The following MICOS10 variants were observed in gnomAD, a reference collection of about 807,000 sequenced individuals.
MICOS10 encodes mitochondrial contact site and cristae organizing system subunit 10, also known as MICOS complex subunit MIC10.
A neutral mutation model predicts 13.4 loss-of-function variants in MICOS10; 5 were observed. The observed-to-expected ratio is 0.37, with a 90% CI of 0.20 to 0.78. MICOS10 has a LOEUF of 0.78. MICOS10 is among the 30% of genes least tolerant of loss of function. The pLI is 0.47. For missense variants in MICOS10, 101 were observed against 94.6 expected, an observed-to-expected ratio of 1.07 and a Z score of -0.28; for synonymous variants, 35 against 33.6, an observed-to-expected ratio of 1.04 and a Z score of -0.15.
Position 19,627,307 on chromosome 1 carries a change from T to C in MICOS10, c.*906T>C, listed in dbSNP as rs1379373612. On this transcript the variant is annotated 3_prime_UTR_variant, in exon 4 of 4. Transcript: ENST00000322753. Reference sequence around the variant, plus strand: ...TCAGCCGTTCTTATTTCTTTTTCCTTATCGTAGAATTAAGATAGGGAGAGC... The same window carrying C: ...TCAGCCGTTCTTATTTCTTTTTCCTCATCGTAGAATTAAGATAGGGAGAGC... 4 of 152,208 alleles carry C rather than the reference T, an allele frequency of 2.6e-5. No individual in the cohort carries two copies. In the East Asian group the frequency reaches 7.7e-4, roughly 29 times the overall value. 9.4% of individuals were successfully genotyped at this position (152,208 alleles called of 1,614,324 possible). A position where few individuals can be genotyped will look rare whatever the true frequency, so the allele number is the denominator to read the frequency against.
At chr1:19,612,263 A>T (rs1169064850) in intron 1 of MICOS10, among the ~76,000 whole-genome samples, 1 of 150,116 alleles carries the variant, frequency 6.7e-6, no homozygotes, top group African/African-American at 2.4e-5. Context: ...TCACCATGTT[A>T]GCCAGGATGG....
At chr1:19,604,529 G>A (rs2094827692) in intron 1 of MICOS10, among the ~76,000 whole-genome samples, 1 of 152,082 alleles carries the variant, frequency 6.6e-6, no homozygotes, top group Non-Finnish European at 1.5e-5. Flanking sequence ...ATAAAAACTG[G>A]AGGCTGTCGC....
intron 1 of MICOS10, among the ~76,000 whole-genome samples, chr1:19,621,641 G>A (rs1376713756): frequency 6.6e-6 from 1 of 152,190 alleles, no homozygotes; most frequent in Non-Finnish European, 1.5e-5. Flanking sequence ...TCAGCCTTTA[G>A]GAATTGTTCT....
chr1:19,613,596 T>C (rs1341552955), intron 1 of MICOS10, among the ~76,000 whole-genome samples: 1 of 152,156 alleles, frequency 6.6e-6, no homozygotes, highest in African/African-American at 2.4e-5. Context: ...ATCAGTTGGC[T>C]CCAACACTGG....
chr1:19,610,367 CTTTTTTTTTTTTTTTTT>C (rs773668659), intron 1 of MICOS10, among the ~76,000 whole-genome samples: 6 of 11,914 alleles, frequency 5.0e-4, no homozygotes, highest in Admixed American at 1.8e-3. Flanking sequence ...CACCCCCCGG[CTTTTTTTTTTTTTTTTT>C]TTTTTTTTTT....
chr1:19,613,603 C>T (rs942736645), intron 1 of MICOS10, among the ~76,000 whole-genome samples: 1 of 152,140 alleles, frequency 6.6e-6, no homozygotes, highest in Non-Finnish European at 1.5e-5. Flanking sequence ...GGCTCCAACA[C>T]TGGAACAGTG....
chr1:19,603,792 C>T (rs1363995478), intron 1 of MICOS10, among the ~76,000 whole-genome samples: 2 of 152,100 alleles, frequency 1.3e-5, no homozygotes, highest in African/African-American at 4.8e-5. Flanking sequence ...TTTTTGATTT[C>T]AGAAAAATCA....
At chr1:19,618,670 G>A (rs1342822261) in intron 1 of MICOS10, among the ~76,000 whole-genome samples, 1 of 152,192 alleles carries the variant, frequency 6.6e-6, no homozygotes, top group East Asian at 1.9e-4. Flanking sequence ...GGCCCGGCCT[G>A]TCTTGCTGCA....
chr1:19,614,751 C>T (rs375641321), intron 1 of MICOS10, among the ~76,000 whole-genome samples: 1 of 152,214 alleles, frequency 6.6e-6, no homozygotes, highest in Non-Finnish European at 1.5e-5. Flanking sequence ...CCTTCTAAAA[C>T]ATTCTTCAGG....
chr1:19,623,618 A>G, intron 3 of MICOS10, 35 bp downstream of exon 3: 1 of 1,452,880 alleles, frequency 6.9e-7, no homozygotes, highest in Non-Finnish European at 9.6e-7. Context: ...TTTCCTTCAG[A>G]AGAAAAAGAT....
In MICOS10 at chr1:19,622,128, C is replaced by G; in HGVS notation, c.93C>G (p.Phe31Leu). The part of the protein sequence containing the change: ...IGTGFGLGIV[F>L]SLTFFKRRMW... ...CTGGTTTTGGATTAGGAATTGTTTT[C>G]TCACTTACCTTCTTTAAAAGTAAGT... The change falls in exon 2 of 4, where the codon TTC (phenylalanine) becomes TTG (leucine). Residue 31 changes from phenylalanine to leucine, a missense_variant. Coordinates refer to ENST00000322753, the MANE Select transcript of MICOS10 (RefSeq NM_001032363.4). The G allele has an allele frequency of 6.2e-7, 1 of 1,612,236 alleles. No homozygotes were observed. Among genetic ancestry groups the G allele is most frequent in the Non-Finnish European group, 8.5e-7 (1 of 1,178,884 alleles).
chr1:19,606,823 CCAG>C (rs977593570), intron 1 of MICOS10, among the ~76,000 whole-genome samples: 1 of 151,966 alleles, frequency 6.6e-6, no homozygotes, highest in African/African-American at 2.4e-5. Flanking sequence ...TTAAAGTTAA[CCAG>C]CAGATTTTGT....
Position 19,627,961 on chromosome 1 carries a change from A to G in MICOS10, c.*1560A>G, listed in dbSNP as rs891550807. 1 of 152,104 alleles carries G rather than the reference A, an allele frequency of 6.6e-6. No homozygotes were observed. The highest frequency in any genetic ancestry group is 2.1e-4 in the South Asian group (1 of 4,830). 9.4% of individuals were successfully genotyped at this position (152,104 alleles called of 1,614,324 possible). On this transcript the variant is annotated 3_prime_UTR_variant, in exon 4 of 4. Coordinates refer to ENST00000322753, the MANE Select transcript of MICOS10 (RefSeq NM_001032363.4). Reference sequence around the variant, plus strand: ...GCCCTCTGGGCTTGTTTTCCTCTTTATTGCTACTTGGCTGTTTTTCACTTG... The same window carrying G: ...GCCCTCTGGGCTTGTTTTCCTCTTTGTTGCTACTTGGCTGTTTTTCACTTG...
Position 19,596,985 on chromosome 1 carries a change from CTT to C in MICOS10, c.-59_-58del. The C allele has an allele frequency of 6.5e-7, 1 of 1,526,994 alleles. No homozygotes were observed. Among genetic ancestry groups the C allele is most frequent in the Non-Finnish European group, 8.8e-7 (1 of 1,133,460 alleles). The allele number at this position is 1,526,994 out of a possible 1,614,324, so 94.6% of individuals were successfully genotyped here. A position where few individuals can be genotyped will look rare whatever the true frequency, so the allele number is the denominator to read the frequency against. Reference sequence around the variant, plus strand: ...GGACTTGTTTCCAGCTCTCGCGAGACTTTCAGGGGTCGGAGCGCGGGGGCCGG... The same window carrying C: ...GGACTTGTTTCCAGCTCTCGCGAGACTCAGGGGTCGGAGCGCGGGGGCCGG... On this transcript the variant is annotated 5_prime_UTR_variant, in exon 1 of 4. Transcript: ENST00000322753.
chr1:19,597,014 C>G lies in MICOS10; in HGVS notation c.-32C>G, dbSNP rs767531623. 3.2e-6 allele frequency: 5 copies of G among 1,570,580 alleles called. No homozygotes were observed. The highest frequency in any genetic ancestry group is 5.0e-5 in the East Asian group (2 of 39,858). On this transcript the variant is annotated 5_prime_UTR_variant, in exon 1 of 4. Transcript: ENST00000322753. ...CAGGGGTCGGAGCGCGGGGGCCGGC[C>G]GAGAGGAAAGCTGGAGGCGCGGGTG...
intron 1 of MICOS10, among the ~76,000 whole-genome samples, chr1:19,606,814 T>TA (rs1334716871): frequency 6.6e-6 from 1 of 152,178 alleles, no homozygotes; most frequent in Non-Finnish European, 1.5e-5. Flanking sequence ...GCCTTAGAAT[T>TA]AAAGTTAACC....
intron 1 of MICOS10, among the ~76,000 whole-genome samples, chr1:19,609,001 T>G (rs2094847571): frequency 2.5e-5 from 3 of 120,782 alleles, no homozygotes; most frequent in African/African-American, 6.9e-5. Context: ...CAGCTTTTTT[T>G]TTTTTTTTTT....
At chr1:19,603,326 A>T (rs550028240) in intron 1 of MICOS10, among the ~76,000 whole-genome samples, 8 of 152,302 alleles carry the variant, frequency 5.3e-5, no homozygotes, top group African/African-American at 1.9e-4. Context: ...TTGAAACTCC[A>T]TCTCAAAACA....
chr1:19,599,041 C>T (rs894818807), intron 1 of MICOS10, among the ~76,000 whole-genome samples: 5 of 151,968 alleles, frequency 3.3e-5, no homozygotes, highest in African/African-American at 1.2e-4. Flanking sequence ...TGAGCCAATG[C>T]GCCACACTCA....
Sources: gnomAD v4.1 joint callset for allele counts (sites outside exome capture counted in the v4.1 genomes callset) on GRCh38, gnomAD v4.1.1 for gene constraint, MANE v1.5 for transcripts, NCBI Gene and HGNC (gene_info 2026-07-23, HGNC 2026-07-21) for gene names.